COL6A3: variants seen among roughly 807,000 people sequenced by gnomAD.
COL6A3 encodes the protein collagen alpha-3(VI) chain.
In COL6A3, 137 loss-of-function variants were observed where a neutral mutation model predicts 274.1. The ratio of observed to expected loss-of-function variants is 0.50; its 90% CI spans 0.44 to 0.58. COL6A3 has a LOEUF of 0.58. COL6A3 is among the 20% of genes least tolerant of loss of function. The pLI is 0.00. For missense variants in COL6A3, 3,950 were observed against 4,124.9 expected, an observed-to-expected ratio of 0.96 and a Z score of 1.16; for synonymous variants, 1,650 against 1,650.6, an observed-to-expected ratio of 1.00 and a Z score of 0.01.
intron 38 of COL6A3, among the ~76,000 whole-genome samples, chr2:237,340,126 T>C (rs1362257341): frequency 1.3e-5 from 2 of 152,318 alleles, no homozygotes; most frequent in Non-Finnish European, 2.9e-5. Context: ...TATTATGTCA[T>C]GCGTAATAAA....
At chr2:237,397,484 A>G (rs1245242242) in intron 1 of COL6A3, among the ~76,000 whole-genome samples, 5 of 123,690 alleles carry the variant, frequency 4.0e-5, no homozygotes, top group Admixed American at 1.7e-4. Context: ...AGGGAGGGAG[A>G]GAGGGAAGGA....
chr2:237,393,132 G>C (rs936935285), intron 3 of COL6A3, among the ~76,000 whole-genome samples: 7 of 152,164 alleles, frequency 4.6e-5, no homozygotes. Context: ...TCCTTACTGA[G>C]AAAATTTTCT....
chr2:237,412,805 C>G (rs2078888545), intron 1 of COL6A3, among the ~76,000 whole-genome samples: 1 of 152,148 alleles, frequency 6.6e-6, no homozygotes, highest in South Asian at 2.1e-4. Flanking sequence ...CCCTGTGGTC[C>G]TCGCCGGGGT....
chr2:237,334,516 TGAA>T, intron 41 of COL6A3, 107 bp downstream of exon 41: 17 of 1,268,840 alleles, frequency 1.3e-5, no homozygotes, highest in South Asian at 2.6e-5. Context: ...TGTTGTTTTT[TGAA>T]TTTGTGGTTA....
At chr2:237,389,473 T>G (rs1271565946) in intron 3 of COL6A3, among the ~76,000 whole-genome samples, 4 of 152,250 alleles carry the variant, frequency 2.6e-5, no homozygotes, top group Non-Finnish European at 4.4e-5. Context: ...CCATTCACTC[T>G]GATCTCTGAT....
Position 237,336,472 on chromosome 2 carries a change from C to T in COL6A3, c.8628G>A (p.Pro2876=), listed in dbSNP as rs143006225. 32 of 1,614,194 alleles carry T rather than the reference C, an allele frequency of 2.0e-5. No homozygotes were observed. In the African/African-American group the frequency reaches 2.8e-4, roughly 14 times the overall value. Residue 2876 remains proline (P), a synonymous_variant, in exon 40 of 44, where the codon CCG becomes CCA. Transcript: ENST00000295550. ...TGGTCACCGGCTTCGTCGTAGTCAC[C>T]GGCTTCGTTGTCGTCACTGGGTTGG... is the stretch of plus-strand genomic sequence containing the variant. ...PTSNPVTTTK[P]VTTTKPVTTT...
intron 20 of COL6A3, 144 bp from the exon 21 acceptor site, chr2:237,358,727 A>T (rs1457807808): frequency 1.2e-6 from 1 of 838,718 alleles, no homozygotes; most frequent in Non-Finnish European, 2.0e-6. Flanking sequence ...ATTCACTTCC[A>T]CATATTTTTC....
intron 22 of COL6A3, 106 bp downstream of exon 22, chr2:237,357,711 T>C (rs1014891128): frequency 1.8e-6 from 2 of 1,132,034 alleles, no homozygotes; most frequent in Non-Finnish European, 1.4e-6. Context: ...TACGTTGCAG[T>C]GTTAAAGGCC....
In COL6A3 at chr2:237,340,880, C is replaced by T. The variant is rs749957183; in HGVS notation, c.8036G>A (p.Ser2679Asn). The T allele has an allele frequency of 9.3e-6, 15 of 1,613,684 alleles. No homozygotes were observed. The South Asian group carries it at 1.5e-4, about 17-fold the overall frequency. Residue 2679 changes from serine (S) to asparagine (N), a missense_variant, in exon 38 of 44, where the codon AGC becomes AAC. Physicochemically the swap from Ser to Asn is conservative, Grantham distance 46. Coordinates refer to ENST00000295550, the MANE Select transcript of COL6A3 (RefSeq NM_004369.4). ...GAATTCCACCTTCACAGGTGGCATG[C>T]TGGCATTGTCCACGGACTCAGAGGG... ...HAPSESVDNA[S>N]MPPVKVEFSL...
chr2:237,326,478 C>CAAAAA (rs1419716456), intron 42 of COL6A3: 1 of 152,198 alleles, frequency 6.6e-6, no homozygotes, highest in East Asian at 1.9e-4. Flanking sequence ...CAAAGTAAAG[C>CAAAAA]AAAGGTCCCC....
Position 237,350,114 on chromosome 2 carries a change from G to A in COL6A3, c.6879+33C>T, listed in dbSNP as rs78071799. ...CTGCACCTTCCAGCAAAGAGTCAGC[G>A]ACAGCCTGACCCCAAGCGCGCTGTG... On this transcript the variant is annotated intron_variant, in intron 28 of 43. Transcript: ENST00000295550. 4,954 of 1,608,338 alleles carry A rather than the reference G, an allele frequency of 3.1e-3. 213 individuals are homozygous for A. The East Asian group carries it at 0.095, about 31-fold the overall frequency.
chr2:237,365,660 T>C (rs1340230964), intron 12 of COL6A3, 38 bp downstream of exon 12: 1 of 1,603,734 alleles, frequency 6.2e-7, no homozygotes, highest in Admixed American at 1.7e-5. Context: ...AATTTGGAAA[T>C]TTCCCAGGGA....
Position 237,364,209 on chromosome 2 carries a change from A to G in COL6A3, c.5917+141T>C. ...AGCTCCAAGCAGGTGATGAAGGGCCACAACGCTGGGAGGAAGAGTCTCCCA... is the reference window on the plus strand; with the variant it reads ...AGCTCCAAGCAGGTGATGAAGGGCCGCAACGCTGGGAGGAAGAGTCTCCCA... On this transcript the variant is annotated intron_variant, in intron 13 of 43. Coordinates refer to ENST00000295550, the MANE Select transcript of COL6A3 (RefSeq NM_004369.4). This position sits in a 1 kb window ranked among gnomAD's most constrained non-coding sequence, Gnocchi z 4.6. The G allele has an allele frequency of 1.4e-6, 1 of 725,244 alleles. No individual in the cohort carries two copies. Among genetic ancestry groups the G allele is most frequent in the Non-Finnish European group, 2.5e-6 (1 of 408,066 alleles). The allele number at this position is 725,244 out of a possible 1,614,324, so 44.9% of individuals were successfully genotyped here.
Position 237,368,947 on chromosome 2 carries a change from G to C in COL6A3, c.4516C>G (p.Leu1506Val). 2 of 1,614,228 alleles carry C rather than the reference G, an allele frequency of 1.2e-6. No individual in the cohort carries two copies. The highest frequency in any genetic ancestry group is 1.7e-6 in the Non-Finnish European group (2 of 1,180,046). Residue 1506 changes from leucine to valine, a missense_variant, in exon 10 of 44, where the codon CTG becomes GTG. Physicochemically the swap from Leu to Val is conservative, Grantham distance 32. Transcript: ENST00000295550. The surrounding 1 kb of genome is among the most constrained non-coding windows in gnomAD (Gnocchi z 4.4). ...QAPVLDAIRRLRLRGGSPLNT... is the reference protein window; with the variant it reads ...QAPVLDAIRRVRLRGGSPLNT... ...AGTGGGGACCCCCCTCTGAGCCTCAGGCGCCGTATGGCGTCCAGCACCGGG... is the reference window on the plus strand; with the variant it reads ...AGTGGGGACCCCCCTCTGAGCCTCACGCGCCGTATGGCGTCCAGCACCGGG...
rs776665419 is a variant in COL6A3, at chr2:237,380,955, G to A, written c.1857C>T (p.Gly619=). 30 of 1,614,032 alleles carry A rather than the reference G, an allele frequency of 1.9e-5. No homozygotes were observed. The highest frequency in any genetic ancestry group is 2.4e-5 in the Non-Finnish European group (28 of 1,180,034). Residue 619 remains glycine (G), a synonymous_variant, in exon 5 of 44, where the codon GGC becomes GGT. Transcript: ENST00000295550. ...AGAGGGTCCTGAGAGGTGCCAGCAA[G>A]CCAGGCAGCATGCCTTGCAATGGGG... ...RAAPLQGMLP[G]LLAPLRTLSG...
chr2:237,348,256 G>T, intron 30 of COL6A3, 93 bp downstream of exon 30: 2 of 1,121,836 alleles, frequency 1.8e-6, no homozygotes, highest in South Asian at 1.2e-5. Context: ...GCTGACCCAA[G>T]ACTAATGCCA....
In COL6A3 at chr2:237,336,492, G is replaced by A; in HGVS notation, c.8608C>T (p.Pro2870Ser). ...GTCACCGGCTTCGTTGTCGTCACTG[G>A]GTTGGATGTAGGACTTGAAGTAACG... is the stretch of plus-strand genomic sequence containing the variant. Reference protein sequence around the residue: ...NNVTSSPTSNPVTTTKPVTTT... With the variant: ...NNVTSSPTSNSVTTTKPVTTT... The change falls in exon 40 of 44, where the codon CCA (proline) becomes TCA (serine). Residue 2870 changes from proline (P) to serine (S), a missense_variant. By Grantham distance (74) the Pro-to-Ser change is moderately conservative. Coordinates refer to ENST00000295550, the MANE Select transcript of COL6A3 (RefSeq NM_004369.4). 1.2e-6 allele frequency: 2 copies of A among 1,614,210 alleles called. No individual in the cohort carries two copies. Among genetic ancestry groups the A allele is most frequent in the South Asian group, 2.2e-5 (2 of 91,082 alleles).
At chr2:237,347,779 C>T in intron 31 of COL6A3, 28 bp downstream of exon 31, 1 of 1,600,596 alleles carries the variant, frequency 6.2e-7, no homozygotes, top group East Asian at 2.2e-5. Context: ...TCATTCCTCA[C>T]CTGCAGCCAA....
chr2:237,357,238 A>G (rs1379926345), intron 23 of COL6A3, 100 bp downstream of exon 23: 2 of 963,750 alleles, frequency 2.1e-6, no homozygotes, highest in African/African-American at 3.2e-5. Context: ...ACATTCACTC[A>G]CTGCAGAGCT....
Sources: gnomAD v4.1 joint callset for allele counts (sites outside exome capture counted in the v4.1 genomes callset) on GRCh38, gnomAD v4.1.1 for gene constraint, Gnocchi (gnomAD v3.1) non-coding constraint, MANE v1.5 for transcripts, NCBI Gene and HGNC (gene_info 2026-07-23, HGNC 2026-07-21) for gene names.